ATRN: variants seen among roughly 807,000 people sequenced by gnomAD.
ATRN encodes attractin.
In ATRN, 54 loss-of-function variants were observed where a neutral mutation model predicts 178.7. The observed-to-expected ratio is 0.30, with a 90% CI of 0.24 to 0.38. The LOEUF is 0.38. Among genes scored for constraint, ATRN ranks in the 10% least tolerant of loss-of-function variants. The pLI, the probability that ATRN is intolerant of heterozygous loss-of-function variation, is 1.00. For synonymous variants in ATRN, 636 were observed against 663.0 expected (o/e 0.96, Z 0.63); for missense variants, 1,443 against 1,815.1 (o/e 0.79, Z 3.73).
At chr20:3,532,998 G>A (rs927056123) in intron 1 of ATRN, among the ~76,000 whole-genome samples, 11 of 152,154 alleles carry the variant, frequency 7.2e-5, no homozygotes, top group Admixed American at 5.2e-4. Flanking sequence ...TCCTGACCTC[G>A]TGATCCACCC....
intron 25 of ATRN, chr20:3,629,170 C>T (rs1376882172): frequency 1.0e-6 from 1 of 985,424 alleles, no homozygotes; most frequent in Non-Finnish European, 1.2e-6. Context: ...ACAGTCTCGC[C>T]TGGACCTTTT....
intron 23 of ATRN, among the ~76,000 whole-genome samples, chr20:3,602,436 C>G (rs1480158625): frequency 6.6e-6 from 1 of 152,026 alleles, no homozygotes; most frequent in Non-Finnish European, 1.5e-5. Flanking sequence ...TAAATGGTAA[C>G]TATATTTTAT....
intron 22 of ATRN, among the ~76,000 whole-genome samples, chr20:3,599,889 G>A (rs1373493786): frequency 6.6e-6 from 1 of 152,208 alleles, no homozygotes; most frequent in Non-Finnish European, 1.5e-5. Context: ...TGCTTTGTGA[G>A]AGAAACTTCT....
At chr20:3,568,106 CTG>C (rs1183601672) in intron 11 of ATRN, among the ~76,000 whole-genome samples, 2 of 150,978 alleles carry the variant, frequency 1.3e-5, no homozygotes, top group South Asian at 4.2e-4. Context: ...CTGGCTAACA[CTG>C]TGAAACTCCA....
At chr20:3,496,995 A>G (rs911831188) in intron 1 of ATRN, among the ~76,000 whole-genome samples, 7 of 151,300 alleles carry the variant, frequency 4.6e-5, no homozygotes, top group African/African-American at 1.5e-4. Context: ...CCTGCCTTTT[A>G]TTGTTTTCCA....
At chr20:3,483,920 A>C (rs2084656722) in intron 1 of ATRN, among the ~76,000 whole-genome samples, 1 of 152,146 alleles carries the variant, frequency 6.6e-6, no homozygotes. Flanking sequence ...GTAGAATCCA[A>C]ATTCCATAGC....
chr20:3,600,662 C>G (rs2086595679), intron 22 of ATRN, among the ~76,000 whole-genome samples: 1 of 152,108 alleles, frequency 6.6e-6, no homozygotes, highest in South Asian at 2.1e-4. Flanking sequence ...AATCACTGTG[C>G]TCTGATAGGG....
intron 1 of ATRN, among the ~76,000 whole-genome samples, chr20:3,526,742 A>G (rs557321602): frequency 6.6e-6 from 1 of 152,186 alleles, no homozygotes; most frequent in Non-Finnish European, 1.5e-5. Flanking sequence ...ATATAGACCA[A>G]TGGAACAGAA....
intron 1 of ATRN, among the ~76,000 whole-genome samples, chr20:3,531,588 T>G (rs1315658767): frequency 6.6e-6 from 1 of 152,148 alleles, no homozygotes; most frequent in African/African-American, 2.4e-5. Flanking sequence ...ACCAGATTAG[T>G]TTGAGAAATT....
chr20:3,603,515 AT>A (rs2086640017), intron 23 of ATRN, among the ~76,000 whole-genome samples: 1 of 150,436 alleles, frequency 6.6e-6, no homozygotes, highest in South Asian at 2.1e-4. Context: ...TTGAGACGGA[AT>A]TTCGCTCTTA....
chr20:3,627,996 C>T (rs2086957004), intron 25 of ATRN, among the ~76,000 whole-genome samples: 1 of 152,116 alleles, frequency 6.6e-6, no homozygotes, highest in Non-Finnish European at 1.5e-5. Context: ...CACGGTGAAA[C>T]CCCATCTCTA....
chr20:3,476,352 A>C (rs973508979), intron 1 of ATRN, among the ~76,000 whole-genome samples: 1 of 152,250 alleles, frequency 6.6e-6, no homozygotes, highest in Non-Finnish European at 1.5e-5. Flanking sequence ...TGTTCTTTTT[A>C]TTATACCATT....
intron 1 of ATRN, among the ~76,000 whole-genome samples, chr20:3,476,475 A>G (rs1309358777): frequency 1.3e-5 from 2 of 152,266 alleles, no homozygotes; most frequent in South Asian, 2.1e-4. Context: ...GATTTTTACA[A>G]TAGGAAAGCT....
At position 3,645,487 on chromosome 20, in the gene ATRN, A is replaced by G. The variant is rs928132743; in HGVS notation, c.4165+1219A>G. Among the ~76,000 whole-genome samples the G allele has an allele frequency of 2.6e-5, 4 of 152,196 alleles. No homozygotes were observed. In the East Asian group the frequency reaches 7.7e-4, roughly 29 times the overall value. ...CTCCTGCCACCGCCCAGCCCAGCAA[A>G]CAGTGGCTGGTGTGCCCTGAGGGCA... is the stretch of plus-strand genomic sequence containing the variant. On this transcript the variant is annotated intron_variant, in intron 28 of 28. Coordinates refer to ENST00000262919, the MANE Select transcript of ATRN (RefSeq NM_139321.3). The surrounding 1 kb of genome is among the most constrained non-coding windows in gnomAD (Gnocchi z 4.7).
At chr20:3,590,245 C>G (rs1241356791) in intron 18 of ATRN, among the ~76,000 whole-genome samples, 1 of 152,194 alleles carries the variant, frequency 6.6e-6, no homozygotes, top group African/African-American at 2.4e-5. Context: ...GCCACCACAC[C>G]CAGCTGAGTT....
At chr20:3,479,785 T>G (rs2084593659) in intron 1 of ATRN, among the ~76,000 whole-genome samples, 1 of 152,204 alleles carries the variant, frequency 6.6e-6, no homozygotes, top group African/African-American at 2.4e-5. Context: ...CAGCAGTCCT[T>G]GGCATTTTGG....
At chr20:3,626,391 C>G (rs1392630470) in intron 25 of ATRN, among the ~76,000 whole-genome samples, 1 of 114,768 alleles carries the variant, frequency 8.7e-6, no homozygotes, top group Non-Finnish European at 1.7e-5. Context: ...GATCCGTTTT[C>G]TCTCTTAAAA....
chr20:3,535,842 A>G (rs973071682), intron 2 of ATRN, among the ~76,000 whole-genome samples: 1 of 152,022 alleles, frequency 6.6e-6, no homozygotes, highest in African/African-American at 2.4e-5. Flanking sequence ...GTTAACCAGG[A>G]TGGTCTCGAA....
chr20:3,518,178 G>C (rs1046267704), intron 1 of ATRN, among the ~76,000 whole-genome samples: 2 of 152,126 alleles, frequency 1.3e-5, no homozygotes, highest in Non-Finnish European at 2.9e-5. Context: ...CCAGGATGTT[G>C]GCAATCCAGT....
Sources: gnomAD v4.1 joint callset for allele counts (sites outside exome capture counted in the v4.1 genomes callset) on GRCh38, gnomAD v4.1.1 for gene constraint, Gnocchi (gnomAD v3.1) non-coding constraint, MANE v1.5 for transcripts, NCBI Gene and HGNC (gene_info 2026-07-23, HGNC 2026-07-21) for gene names.